Variants in ERP44 observed in about 807,000 individuals in gnomAD.
The protein encoded by ERP44 is endoplasmic reticulum resident protein 44.
In ERP44, 25 loss-of-function variants were observed where a neutral mutation model predicts 53.4. The observed-to-expected ratio is 0.47, with a 90% CI of 0.34 to 0.65. The LOEUF (loss-of-function observed/expected upper bound fraction) is 0.65. ERP44 is among the 30% of genes least tolerant of loss of function. The pLI, the probability that ERP44 is intolerant of heterozygous loss-of-function variation, is 0.01. For missense variants in ERP44, 338 were observed against 493.2 expected (o/e 0.69, Z 2.98); for synonymous variants, 145 against 161.2 (o/e 0.90, Z 0.76).
intron 11 of ERP44, among the ~76,000 whole-genome samples, chr9:99,983,863 CATTT>C (rs1231857511): frequency 1.3e-5 from 2 of 152,108 alleles, no homozygotes; most frequent in African/African-American, 4.8e-5. Flanking sequence ...ATAAAACAAA[CATTT>C]ATTTGGTGCC....
intron 10 of ERP44, 91 bp from the exon 11 acceptor site, chr9:99,985,160 C>T: frequency 2.6e-6 from 2 of 783,254 alleles, no homozygotes; most frequent in Non-Finnish European, 4.3e-6. Context: ...TTTTGCTAAC[C>T]TATAGTCCCA....
chr9:100,087,898 G>A (rs947714310), intron 1 of ERP44, among the ~76,000 whole-genome samples: 3 of 152,122 alleles, frequency 2.0e-5, no homozygotes, highest in Non-Finnish European at 2.9e-5. Context: ...GTTAGTGTAC[G>A]CATTTTTTTC....
At chr9:100,020,481 T>C (rs1398762123) in intron 6 of ERP44, 135 bp downstream of exon 6, 1 of 595,760 alleles carries the variant, frequency 1.7e-6, no homozygotes, top group African/African-American at 1.9e-5. Flanking sequence ...GAGACAGGTA[T>C]AAAGACTGTT....
intron 1 of ERP44, among the ~76,000 whole-genome samples, chr9:100,080,604 T>C (rs569144739): frequency 1.3e-5 from 2 of 151,948 alleles, no homozygotes; most frequent in African/African-American, 2.4e-5. Flanking sequence ...GTAAGGCTAA[T>C]AGAAAGCATT....
intron 2 of ERP44, among the ~76,000 whole-genome samples, chr9:100,059,401 T>C (rs975560245): frequency 1.3e-5 from 2 of 152,118 alleles, no homozygotes; most frequent in African/African-American, 2.4e-5. Flanking sequence ...AAAAAACTTA[T>C]TAGGCCAAGT....
At chr9:99,988,984 G>A (rs951395238) in intron 10 of ERP44, among the ~76,000 whole-genome samples, 7 of 152,230 alleles carry the variant, frequency 4.6e-5, no homozygotes, top group African/African-American at 1.7e-4. Flanking sequence ...GGCTGGAGGA[G>A]GGGTGCCTGC....
chr9:100,036,895 A>T (rs1434231511), intron 4 of ERP44, among the ~76,000 whole-genome samples: 1 of 152,092 alleles, frequency 6.6e-6, no homozygotes, highest in African/African-American at 2.4e-5. Flanking sequence ...TGCTTAACAG[A>T]TTAAAAAAAA....
In ERP44 at chr9:100,052,543, A is replaced by G; in HGVS notation, c.171-11T>C. Reference sequence around the variant, plus strand: ...TGACTGAAACGACACCTATACACAGAGAAGGATGCCAATTAGAAATGAAAA... The same window carrying G: ...TGACTGAAACGACACCTATACACAGGGAAGGATGCCAATTAGAAATGAAAA... On this transcript the variant is annotated splice_polypyrimidine_tract_variant and intron_variant, in intron 3 of 11. Transcript: ENST00000262455. 1 of 1,465,696 alleles carries G rather than the reference A, an allele frequency of 6.8e-7. No individual in the cohort carries two copies. Among genetic ancestry groups the G allele is most frequent in the African/African-American group, 1.4e-5 (1 of 71,104 alleles). 90.8% of individuals were successfully genotyped at this position (1,465,696 alleles called of 1,614,324 possible).
At chr9:100,000,012 AC>A (rs1215922723) in intron 10 of ERP44, among the ~76,000 whole-genome samples, 1 of 151,996 alleles carries the variant, frequency 6.6e-6, no homozygotes, top group Non-Finnish European at 1.5e-5. Context: ...AAATCAATTG[AC>A]CATAACCAGG....
At chr9:100,093,683 T>C (rs565805036) in intron 1 of ERP44, among the ~76,000 whole-genome samples, 2 of 152,184 alleles carry the variant, frequency 1.3e-5, no homozygotes, top group South Asian at 4.1e-4. Context: ...TCTGTGTCTA[T>C]ATAGTCTAGA....
intron 1 of ERP44, among the ~76,000 whole-genome samples, chr9:100,093,519 C>T (rs770899888): frequency 1.2e-4 from 19 of 152,142 alleles, no homozygotes; most frequent in Non-Finnish European, 2.6e-4. Context: ...TGGCTTGTGC[C>T]TGTAGTCCCA....
chr9:100,024,084 G>A (rs1428667431), intron 4 of ERP44, among the ~76,000 whole-genome samples: 1 of 152,104 alleles, frequency 6.6e-6, no homozygotes, highest in Non-Finnish European at 1.5e-5. Flanking sequence ...AACCTGGGAG[G>A]AGGAGGCTGC....
intron 1 of ERP44, among the ~76,000 whole-genome samples, chr9:100,085,697 C>A (rs755602542): frequency 6.6e-6 from 1 of 152,158 alleles, no homozygotes; most frequent in African/African-American, 2.4e-5. Context: ...ATCAGGAGTT[C>A]GAGACCAGCC....
chr9:100,065,579 A>G (rs1429752583), intron 1 of ERP44, among the ~76,000 whole-genome samples: 3 of 152,234 alleles, frequency 2.0e-5, no homozygotes, highest in Non-Finnish European at 2.9e-5. Context: ...ATCTCATTGT[A>G]CATCATAAAT....
chr9:99,982,879 T>C (rs1002545552), intron 11 of ERP44, among the ~76,000 whole-genome samples, 166 bp from the exon 12 acceptor site: 1 of 152,228 alleles, frequency 6.6e-6, no homozygotes, highest in African/African-American at 2.4e-5. Context: ...AATCTTGCTT[T>C]CCTCATTTCA....
rs796456275 is a variant in ERP44, at chr9:100,023,194, T to A, written c.287-968A>T. Among the ~76,000 whole-genome samples, 5 of 152,224 alleles carry A rather than the reference T, an allele frequency of 3.3e-5. No homozygotes were observed. In the East Asian group the frequency reaches 5.8e-4, roughly 18 times the overall value. On this transcript the variant is annotated intron_variant, in intron 4 of 11. Transcript: ENST00000262455. ...TGATAAATTACAAGGAGAGACTATG[T>A]CTTTGGGGTGCTATAAAGATGATGG...
intron 1 of ERP44, among the ~76,000 whole-genome samples, chr9:100,096,799 G>A (rs1409815391): frequency 6.6e-6 from 1 of 152,106 alleles, no homozygotes; most frequent in East Asian, 1.9e-4. Context: ...AGTTGGAAGA[G>A]TAGGAAAAAA....
rs575883012 is a variant in ERP44 at position 100,092,062 on chromosome 9, T to C, written c.57+6722A>G. Among the ~76,000 whole-genome samples, 50 of 152,340 alleles carry C rather than the reference T, an allele frequency of 3.3e-4. 1 individual carries two copies. In the South Asian group the frequency reaches 4.8e-3, roughly 15 times the overall value. On this transcript the variant is annotated intron_variant, in intron 1 of 11. Coordinates refer to ENST00000262455, the MANE Select transcript of ERP44 (RefSeq NM_015051.3). ...TTTCTCCTCCATAGTAGATTGCAAA[T>C]AGACTTTCAAATGATAGGCAGAAAA...
intron 8 of ERP44, 148 bp downstream of exon 8, chr9:100,016,174 T>C: frequency 1.6e-6 from 2 of 1,220,796 alleles, no homozygotes; most frequent in Admixed American, 5.9e-5. Flanking sequence ...ATCACTGGTG[T>C]ATATTACAGA....
Sources: gnomAD v4.1 joint callset for allele counts (sites outside exome capture counted in the v4.1 genomes callset) on GRCh38, gnomAD v4.1.1 for gene constraint, MANE v1.5 for transcripts, NCBI Gene and HGNC (gene_info 2026-07-23, HGNC 2026-07-21) for gene names.